ZNF92: variants seen among roughly 807,000 people sequenced by gnomAD.
ZNF92 encodes epididymis luminal protein 203.
A neutral mutation model predicts 12.4 loss-of-function variants in ZNF92; 11 were observed. The ratio of observed to expected loss-of-function variants is 0.89; its 90% confidence interval spans 0.56 to 1.47. The LOEUF (loss-of-function observed/expected upper bound fraction) is 1.47. Among genes scored for constraint, ZNF92 ranks in the 40% most tolerant of loss-of-function variants. The pLI, the probability that ZNF92 is intolerant of heterozygous loss-of-function variation, is 0.00. For missense variants in ZNF92, 622 were observed against 681.0 expected (o/e 0.91, Z 0.96); for synonymous variants, 206 against 228.6 (o/e 0.90, Z 0.89).
At chr7:65,393,852 T>C (rs1793785365) in intron 3 of ZNF92, among the ~76,000 whole-genome samples, 1 of 151,932 alleles carries the variant, frequency 6.6e-6, no homozygotes, top group Non-Finnish European at 1.5e-5. Context: ...TATATGATAC[T>C]TTATATGATA....
At position 65,388,806 on chromosome 7, in the gene ZNF92, G is replaced by A. The variant is rs1180331399; in HGVS notation, c.131G>A (p.Gly44Asp). ...LENYRNLVFLGIAVSKPDLIT... is the reference protein window; with the variant it reads ...LENYRNLVFLDIAVSKPDLIT... Reference sequence around the variant, plus strand: ...ATGTTATTTATTTTTAATAAAACAGGTATTGCTGTCTCTAAGCCAGACCTG... The same window carrying A: ...ATGTTATTTATTTTTAATAAAACAGATATTGCTGTCTCTAAGCCAGACCTG... The change falls in exon 3 of 4, where the codon GGT becomes GAT. Residue 44 changes from glycine (G) to aspartate (D), a missense_variant and splice_region_variant. By Grantham distance (94) the Gly-to-Asp change is moderately conservative (BLOSUM62 -1). Transcript: ENST00000328747. 1.4e-5 allele frequency: 22 copies of A among 1,573,896 alleles called. No homozygotes were observed. The highest frequency in any genetic ancestry group is 1.9e-5 in the Non-Finnish European group (22 of 1,156,444).
chr7:65,395,462 C>CT (rs1223679874), intron 3 of ZNF92, among the ~76,000 whole-genome samples: 1 of 152,104 alleles, frequency 6.6e-6, no homozygotes, highest in Non-Finnish European at 1.5e-5. Flanking sequence ...TTGTACATGT[C>CT]TGTTAAGCCT....
intron 3 of ZNF92, among the ~76,000 whole-genome samples, chr7:65,391,589 ATTTGT>A (rs1793710126): frequency 6.6e-6 from 1 of 152,078 alleles, no homozygotes; most frequent in Non-Finnish European, 1.5e-5. Context: ...TCCCCCAAAT[ATTTGT>A]TTTATCTATC....
At chr7:65,384,425 AGT>A (rs1319238284) in intron 1 of ZNF92, among the ~76,000 whole-genome samples, 1 of 152,132 alleles carries the variant, frequency 6.6e-6, no homozygotes, top group African/African-American at 2.4e-5. Flanking sequence ...TTGAAAGAGA[AGT>A]GTTTTGGGTG....
chr7:65,388,797 A>T lies in ZNF92; in HGVS notation c.131-9A>T. ...GCAAGATTTATGTTATTTATTTTTA[A>T]TAAAACAGGTATTGCTGTCTCTAAG... On this transcript the variant is annotated splice_polypyrimidine_tract_variant and intron_variant, in intron 2 of 3. Coordinates refer to ENST00000328747, the MANE Select transcript of ZNF92 (RefSeq NM_152626.4). 1 of 1,567,270 alleles carries T rather than the reference A, an allele frequency of 6.4e-7. No individual in the cohort carries two copies. Among genetic ancestry groups the T allele is most frequent in the Admixed American group, 1.7e-5 (1 of 58,226 alleles).
chr7:65,392,774 G>A (rs148726018), intron 3 of ZNF92, among the ~76,000 whole-genome samples: 130 of 152,108 alleles, frequency 8.5e-4, no homozygotes, highest in Non-Finnish European at 1.5e-3. Flanking sequence ...GACCTCAGGT[G>A]ATCCACCCAC....
At chr7:65,377,947 G>A (rs1297917532) in intron 1 of ZNF92, among the ~76,000 whole-genome samples, 1 of 152,140 alleles carries the variant, frequency 6.6e-6, no homozygotes, top group Non-Finnish European at 1.5e-5. Flanking sequence ...ACAGGAGGAA[G>A]TACCAACTAC....
chr7:65,376,871 C>T (rs976796732), intron 1 of ZNF92, among the ~76,000 whole-genome samples: 4 of 152,018 alleles, frequency 2.6e-5, no homozygotes, highest in African/African-American at 9.7e-5. Flanking sequence ...AATACATTTC[C>T]ACAAGAAAAT....
rs777045754 is a variant in ZNF92 at position 65,398,686 on chromosome 7, A to G, written c.572A>G (p.His191Arg). ...TGCATGCTTTCACAATTAACTCAAC[A>G]TAAGAAAATTCATACTAGAGAGTAT... The part of the protein sequence containing the change: ...SFCMLSQLTQ[H>R]KKIHTREYSY... Residue 191 changes from histidine (H) to arginine (R), a missense_variant, in exon 4 of 4, where the codon CAT becomes CGT. Physicochemically the swap from His to Arg is conservative, Grantham distance 29. Transcript: ENST00000328747. 11 of 1,611,260 alleles carry G rather than the reference A, an allele frequency of 6.8e-6. No homozygotes were observed. Among genetic ancestry groups the G allele is most frequent in the Admixed American group, 5.0e-5 (3 of 59,464 alleles).
rs1793949971 is a variant in ZNF92 at position 65,399,460 on chromosome 7, A to G, written c.1346A>G (p.Glu449Gly). 6.2e-7 allele frequency: 1 copy of G among 1,612,254 alleles called. No individual in the cohort carries two copies. Among genetic ancestry groups the G allele is most frequent in the African/African-American group, 1.3e-5 (1 of 74,398 alleles). The change falls in exon 4 of 4, where the codon GAA becomes GGA. Residue 449 changes from glutamate (E) to glycine (G), a missense_variant. Glu to Gly is a moderately conservative substitution (Grantham distance 98). Transcript: ENST00000328747. ...ACTAAACATAAGAGAAATCATATGG[A>G]AGATAAACCCTACAAATGTGAAGAA... is the stretch of plus-strand genomic sequence containing the variant. ...AFTKHKRNHM[E>G]DKPYKCEECG...
intron 1 of ZNF92, among the ~76,000 whole-genome samples, chr7:65,378,503 G>A (rs921184038): frequency 1.3e-5 from 2 of 151,928 alleles, no homozygotes; most frequent in African/African-American, 4.8e-5. Context: ...AGCACTTTGG[G>A]AGGCCGAGGT....
chr7:65,392,832 C>T (rs1793750567), intron 3 of ZNF92, among the ~76,000 whole-genome samples: 2 of 151,972 alleles, frequency 1.3e-5, no homozygotes, highest in African/African-American at 4.8e-5. Context: ...CCACCGTGCC[C>T]GGCCAGAGCC....
At position 65,373,864 on chromosome 7, in the gene ZNF92, T is replaced by C. The variant is rs1356921312; in HGVS notation, c.-134T>C. The C allele has an allele frequency of 2.4e-6, 3 of 1,271,230 alleles. No homozygotes were observed. Among genetic ancestry groups the C allele is most frequent in the East Asian group, 2.4e-5 (1 of 42,450 alleles). The allele number at this position is 1,271,230 out of a possible 1,614,324, so 78.7% of individuals were successfully genotyped here. ...ATTTGGCGGGGCCTTTGTCTCTCGC[T>C]GCAGCCGGCGCTCCACGTCTAGTCT... On this transcript the variant is annotated 5_prime_UTR_variant, in exon 1 of 4. Coordinates refer to ENST00000328747, the MANE Select transcript of ZNF92 (RefSeq NM_152626.4).
intron 3 of ZNF92, among the ~76,000 whole-genome samples, chr7:65,394,907 A>G (rs944898540): frequency 3.3e-5 from 5 of 152,076 alleles, no homozygotes; most frequent in African/African-American, 7.2e-5. Context: ...TGGCCTCCCA[A>G]AATGCTGGGA....
intron 2 of ZNF92, 108 bp from the exon 3 acceptor site, chr7:65,388,698 G>T: frequency 2.3e-6 from 2 of 855,552 alleles, no homozygotes; most frequent in Non-Finnish European, 3.4e-6. Context: ...AGTATTTGGG[G>T]ATTAATTTAC....
chr7:65,391,114 T>C (rs1793697617), intron 3 of ZNF92, among the ~76,000 whole-genome samples: 1 of 152,118 alleles, frequency 6.6e-6, no homozygotes, highest in South Asian at 2.1e-4. Flanking sequence ...CTCAAAGCTC[T>C]CTTAAAGGCG....
chr7:65,399,183 A>T lies in ZNF92; in HGVS notation c.1069A>T (p.Thr357Ser). Residue 357 changes from threonine to serine, a missense_variant, in exon 4 of 4, where the codon ACT (threonine) becomes TCT (serine). Transcript: ENST00000328747. ...AGCCTTTAACCAGTTCTCAAACCTTACTAAACATAAGATAATTCATACTGG... is the reference window on the plus strand; with the variant it reads ...AGCCTTTAACCAGTTCTCAAACCTTTCTAAACATAAGATAATTCATACTGG... ...GKAFNQFSNLTKHKIIHTGEK... is the reference protein window; with the variant it reads ...GKAFNQFSNLSKHKIIHTGEK... 1 of 1,613,474 alleles carries T rather than the reference A, an allele frequency of 6.2e-7. No homozygotes were observed. The highest frequency in any genetic ancestry group is 8.5e-7 in the Non-Finnish European group (1 of 1,179,760).
At chr7:65,380,733 A>G (rs2116345188) in intron 1 of ZNF92, among the ~76,000 whole-genome samples, 1 of 152,236 alleles carries the variant, frequency 6.6e-6, no homozygotes, top group East Asian at 1.9e-4. Context: ...GGTGGGTCAA[A>G]TGGTAATTCT....
chr7:65,392,613 C>T (rs908656161), intron 3 of ZNF92, among the ~76,000 whole-genome samples: 1 of 151,272 alleles, frequency 6.6e-6, no homozygotes, highest in African/African-American at 2.4e-5. Flanking sequence ...CTCAGCTCAC[C>T]GTAACCTCCG....
Sources: allele counts gnomAD v4.1 joint callset (sites outside exome capture counted in the v4.1 genomes callset), GRCh38; gene constraint gnomAD v4.1.1; transcripts MANE v1.5; gene names NCBI Gene and HGNC (gene_info 2026-07-23, HGNC 2026-07-21).